TRMT11: variants seen among roughly 807,000 people sequenced by gnomAD.
TRMT11 encodes the protein tRNA (guanine(10)-N(2))-methyltransferase TRMT11.
In TRMT11, 53 loss-of-function variants were observed where a neutral mutation model predicts 62.8. That is an observed-to-expected ratio of 0.84 (90% confidence interval 0.68 to 1.06). TRMT11 has a LOEUF of 1.06. Ranked by LOEUF, TRMT11 falls within the 50% of genes least tolerant of loss-of-function variation. TRMT11 has a pLI of 0.00. For missense variants in TRMT11, 556 were observed against 553.4 expected, an observed-to-expected ratio of 1.00 and a Z score of -0.05; for synonymous variants, 188 against 190.3, an observed-to-expected ratio of 0.99 and a Z score of 0.10.
At chr6:126,153,461 A>G (rs1406549386) in intron 21 of TRMT11, among the ~76,000 whole-genome samples, 1 of 152,250 alleles carries the variant, frequency 6.6e-6, no homozygotes, top group Non-Finnish European at 1.5e-5. Flanking sequence ...TTATAAAAAT[A>G]AAGCCAAGTT....
At chr6:126,270,919 G>T in the TRMT11 span, among the ~76,000 whole-genome samples, 1 of 152,084 alleles carries the variant, frequency 6.6e-6, no homozygotes, top group African/African-American at 2.4e-5. Context: ...TTCAGAGTTT[G>T]CTATCTTCTG....
In TRMT11 at chr6:126,015,933, T is replaced by C. The variant is rs528136663; in HGVS notation, c.1139+2832T>C. Among the ~76,000 whole-genome samples, 8 of 152,336 alleles carry C rather than the reference T, an allele frequency of 5.3e-5. No individual in the cohort carries two copies. The South Asian group carries it at 1.4e-3, about 28-fold the overall frequency. On this transcript the variant is annotated intron_variant, in intron 11 of 12. Coordinates refer to ENST00000334379, the MANE Select transcript of TRMT11 (RefSeq NM_001031712.3). ...GTAGGAATACCACAAACATGATCTT[T>C]GCAGCACATCATATGGCACACAAAG...
chr6:126,218,919 G>A, the TRMT11 span, among the ~76,000 whole-genome samples: 1 of 152,160 alleles, frequency 6.6e-6, no homozygotes, highest in East Asian at 1.9e-4. Flanking sequence ...GCTAGGGCTG[G>A]TCTAAATGCT....
At chr6:126,079,698 G>A (rs541549378) in intron 17 of TRMT11, among the ~76,000 whole-genome samples, 1 of 151,844 alleles carries the variant, frequency 6.6e-6, no homozygotes, top group Non-Finnish European at 1.5e-5. Context: ...ACCTGCACAT[G>A]TACCTCCAAA....
chr6:126,062,373 A>G (rs1420635078), intron 17 of TRMT11, among the ~76,000 whole-genome samples: 1 of 152,174 alleles, frequency 6.6e-6, no homozygotes, highest in East Asian at 1.9e-4. Flanking sequence ...TATTGTTCCA[A>G]TTTTATTTAC....
At chr6:126,145,241 T>C (rs952664168) in intron 21 of TRMT11, among the ~76,000 whole-genome samples, 1 of 152,162 alleles carries the variant, frequency 6.6e-6, no homozygotes, top group Non-Finnish European at 1.5e-5. Context: ...ACATTAAGTG[T>C]GAATGAGCAT....
chr6:126,041,939 C>G (rs1298116477), downstream of TRMT11, among the ~76,000 whole-genome samples: 1 of 152,132 alleles, frequency 6.6e-6, no homozygotes, highest in Non-Finnish European at 1.5e-5. Flanking sequence ...TAAGTGAAAT[C>G]TACTTTGATT....
chr6:126,250,537 A>G, the TRMT11 span, among the ~76,000 whole-genome samples: 2 of 152,198 alleles, frequency 1.3e-5, no homozygotes, highest in Non-Finnish European at 1.5e-5. Flanking sequence ...AGAAAAGATA[A>G]TATCTGTATC....
In TRMT11 at chr6:126,031,696, C is replaced by CTA. The variant is rs545882356; in HGVS notation, c.1261-7008_1261-7007dup. 1.1e-4 allele frequency among the ~76,000 whole-genome samples: 16 copies of CTA among 152,174 alleles called. No homozygotes were observed. In the East Asian group the frequency reaches 3.1e-3, roughly 29 times the overall value. On this transcript the variant is annotated intron_variant, in intron 12 of 12. Coordinates refer to ENST00000334379, the MANE Select transcript of TRMT11 (RefSeq NM_001031712.3). Reference sequence around the variant, plus strand: ...GATCAGCTGGAGATGACCTGGAAGACTAAAGAGAGGGAAGCCCAGTGTTGA... The same window carrying CTA: ...GATCAGCTGGAGATGACCTGGAAGACTATAAAGAGAGGGAAGCCCAGTGTTGA...
intron 18 of TRMT11, among the ~76,000 whole-genome samples, chr6:126,112,980 A>C (rs1777549125): frequency 6.6e-6 from 1 of 152,088 alleles, no homozygotes; most frequent in South Asian, 2.1e-4. Context: ...CTAGACCACC[A>C]AATCTGTTCA....
At chr6:126,091,463 C>T (rs942624972) in intron 17 of TRMT11, among the ~76,000 whole-genome samples, 2 of 152,076 alleles carry the variant, frequency 1.3e-5, no homozygotes, top group Non-Finnish European at 2.9e-5. Flanking sequence ...ACTCCTTTTT[C>T]GGTCCATAAA....
the TRMT11 span, among the ~76,000 whole-genome samples, chr6:126,226,878 G>A: frequency 3.3e-5 from 5 of 152,150 alleles, no homozygotes; most frequent in African/African-American, 1.2e-4. Flanking sequence ...GAATCATGGG[G>A]GCAGGTCTCC....
chr6:126,012,678 A>G, intron 9 of TRMT11, 93 bp from the exon 10 acceptor site: 1 of 824,606 alleles, frequency 1.2e-6, no homozygotes, highest in Non-Finnish European at 2.0e-6. Flanking sequence ...TGTTCTTCTC[A>G]GGGTGTCACA....
At chr6:126,026,806 T>TTTTG (rs1174504406) in intron 12 of TRMT11, among the ~76,000 whole-genome samples, 3 of 148,490 alleles carry the variant, frequency 2.0e-5, no homozygotes, top group African/African-American at 7.5e-5. Context: ...TTTTGGGTTT[T>TTTTG]TTTTTTTTTT....
intron 17 of TRMT11, among the ~76,000 whole-genome samples, chr6:126,103,151 A>C (rs1313606498): frequency 6.6e-6 from 1 of 152,216 alleles, no homozygotes; most frequent in Non-Finnish European, 1.5e-5. Flanking sequence ...TTCCCACAGC[A>C]TACTTGGAGA....
chr6:126,089,860 A>G (rs1163522326), intron 17 of TRMT11, among the ~76,000 whole-genome samples: 1 of 152,252 alleles, frequency 6.6e-6, no homozygotes, highest in Non-Finnish European at 1.5e-5. Flanking sequence ...AAGATGAGAA[A>G]GAGCAGCAAT....
At chr6:126,010,436 GTTC>G (rs1489707614) in intron 8 of TRMT11, among the ~76,000 whole-genome samples, 1 of 151,868 alleles carries the variant, frequency 6.6e-6, no homozygotes, top group Non-Finnish European at 1.5e-5. Context: ...GAGTCATGTC[GTTC>G]TTCTTTTGAT....
chr6:126,243,933 A>G, the TRMT11 span, among the ~76,000 whole-genome samples: 1 of 151,876 alleles, frequency 6.6e-6, no homozygotes, highest in Non-Finnish European at 1.5e-5. Flanking sequence ...AAAGTATAAT[A>G]AAAAAAGGGC....
chr6:126,154,747 C>T (rs1288499993), intron 21 of TRMT11, among the ~76,000 whole-genome samples: 1 of 152,216 alleles, frequency 6.6e-6, no homozygotes, highest in Non-Finnish European at 1.5e-5. Context: ...GAGGCAGGGA[C>T]ATGACTTTGA....
Sources: allele counts gnomAD v4.1 joint callset (sites outside exome capture counted in the v4.1 genomes callset), GRCh38; gene constraint gnomAD v4.1.1; transcripts MANE v1.5; gene names NCBI Gene and HGNC (gene_info 2026-07-23, HGNC 2026-07-21).